Variants in TDRD9 observed in about 807,000 individuals in gnomAD.
TDRD9 encodes the protein tudor domain containing 9, also known as ATP-dependent RNA helicase TDRD9.
A neutral mutation model predicts 172.6 loss-of-function variants in TDRD9; 124 were observed. The observed-to-expected ratio is 0.72, with a 90% confidence interval of 0.62 to 0.83. TDRD9 has a LOEUF of 0.83. Ranked by LOEUF, TDRD9 falls within the 40% of genes least tolerant of loss-of-function variation. The pLI is 0.00. For missense variants in TDRD9, 1,479 were observed against 1,714.1 expected, an observed-to-expected ratio of 0.86 and a Z score of 2.42; for synonymous variants, 619 against 617.1, an observed-to-expected ratio of 1.00 and a Z score of -0.05.
chr14:104,030,074 A>T (rs573320607), intron 28 of TDRD9, among the ~76,000 whole-genome samples: 4 of 152,326 alleles, frequency 2.6e-5, no homozygotes, highest in African/African-American at 9.6e-5. Flanking sequence ...TATTTAATTT[A>T]TATAAAAACA....
At chr14:103,937,869 A>ATTTTTTTTTTTTTTT (rs2030877082) in intron 1 of TDRD9, among the ~76,000 whole-genome samples, 1 of 130,756 alleles carries the variant, frequency 7.6e-6, no homozygotes, top group African/African-American at 2.8e-5. Flanking sequence ...TTTTTTTTTA[A>ATTTTTTTTTTTTTTT]TTTTCTTTTT....
At chr14:104,004,792 T>C (rs1041747642) in intron 14 of TDRD9, among the ~76,000 whole-genome samples, 3 of 152,236 alleles carry the variant, frequency 2.0e-5, no homozygotes, top group Non-Finnish European at 4.4e-5. Flanking sequence ...CACATCAGGC[T>C]ACTGTCTAGG....
At chr14:103,978,781 GT>G (rs202132035) in intron 7 of TDRD9, among the ~76,000 whole-genome samples, 17 of 151,876 alleles carry the variant, frequency 1.1e-4, no homozygotes, top group South Asian at 4.2e-4. Context: ...TCTGTTTAAT[GT>G]TTTTTTTAAT....
At chr14:103,971,266 A>G (rs903788330) in intron 6 of TDRD9, among the ~76,000 whole-genome samples, 1 of 151,746 alleles carries the variant, frequency 6.6e-6, no homozygotes, top group Non-Finnish European at 1.5e-5. Flanking sequence ...TACAGGTGTG[A>G]GCCACCGCGC....
intron 9 of TDRD9, among the ~76,000 whole-genome samples, chr14:103,991,657 C>T (rs747779103): frequency 5.3e-5 from 8 of 152,110 alleles, no homozygotes; most frequent in African/African-American, 1.4e-4. Flanking sequence ...GTGATCTGCC[C>T]GCTGTGGCCT....
chr14:103,975,333 A>G, intron 6 of TDRD9, 56 bp from the exon 7 acceptor site: 1 of 1,543,900 alleles, frequency 6.5e-7, no homozygotes. Context: ...TTTTAGAAGT[A>G]TTTAATTTGT....
intron 22 of TDRD9, among the ~76,000 whole-genome samples, chr14:104,016,473 C>T (rs2034795511): frequency 6.6e-6 from 1 of 152,264 alleles, no homozygotes; most frequent in Admixed American, 6.5e-5. Context: ...GTGGCTTAAG[C>T]CAGTGACCCC....
intron 1 of TDRD9, among the ~76,000 whole-genome samples, chr14:103,954,638 AT>A (rs201392464): frequency 1.3e-5 from 2 of 151,984 alleles, no homozygotes; most frequent in African/African-American, 4.8e-5. Context: ...TATTTGATTT[AT>A]TTTTTTTGAG....
intron 13 of TDRD9, among the ~76,000 whole-genome samples, chr14:104,002,249 G>A (rs1181274850): frequency 6.6e-6 from 1 of 151,242 alleles, no homozygotes; most frequent in Non-Finnish European, 1.5e-5. Context: ...GAGCCTGGGA[G>A]GTCAATGCAG....
intron 29 of TDRD9, 85 bp downstream of exon 29, chr14:104,031,348 G>T (rs1233902729): frequency 3.2e-6 from 4 of 1,262,242 alleles, no homozygotes; most frequent in Non-Finnish European, 4.3e-6. Context: ...AGTAGTCATG[G>T]TGGTTTTTTC....
chr14:104,014,755 A>G lies in TDRD9; in HGVS notation c.2137A>G (p.Arg713Gly), dbSNP rs1251392209. 2 of 1,610,956 alleles carry G rather than the reference A, an allele frequency of 1.2e-6. No homozygotes were observed. Among genetic ancestry groups the G allele is most frequent in the South Asian group, 1.1e-5 (1 of 90,980 alleles). The change falls in exon 21 of 36, where the codon AGA (arginine) becomes GGA (glycine). Residue 713 changes from arginine to glycine, a missense_variant. Physicochemically the swap from Arg to Gly is moderately radical, Grantham distance 125 (BLOSUM62 -2). Transcript: ENST00000409874. ...VAELYEELKTRISQFNMHVDS... is the reference protein window; with the variant it reads ...VAELYEELKTGISQFNMHVDS... ...TGAATTATATGAAGAATTGAAGACT[A>G]GAATCTCACAGTTCAACATGCATGT...
At chr14:104,002,373 T>C (rs1281180468) in intron 13 of TDRD9, among the ~76,000 whole-genome samples, 1 of 151,736 alleles carries the variant, frequency 6.6e-6, no homozygotes, top group Admixed American at 6.6e-5. Context: ...TTAACAGAGT[T>C]TTAAAGAACA....
Position 104,026,129 on chromosome 14 carries a change from C to T in TDRD9, c.3014C>T (p.Pro1005Leu). The stretch of plus-strand genomic sequence containing the variant: ...ATTCCCTGTCAATTTCTTGAACTTC[C>T]TTTCCAGGTAAGGTAGAGAAGACTC... ...MEIPCQFLEL[P>L]FQALEFKICK... The change falls in exon 27 of 36, where the codon CCT becomes CTT. Residue 1005 changes from proline (P) to leucine (L), a missense_variant. Physicochemically the swap from Pro to Leu is moderately conservative, Grantham distance 98. Transcript: ENST00000409874. 5 of 1,601,358 alleles carry T rather than the reference C, an allele frequency of 3.1e-6. No homozygotes were observed. Among genetic ancestry groups the T allele is most frequent in the Non-Finnish European group, 4.3e-6 (5 of 1,168,498 alleles).
intron 7 of TDRD9, among the ~76,000 whole-genome samples, chr14:103,978,675 A>T (rs1300076698): frequency 6.6e-6 from 1 of 152,148 alleles, no homozygotes; most frequent in Admixed American, 6.6e-5. Context: ...AACTGAGGTT[A>T]TTGGTTTTGG....
chr14:103,989,233 G>T (rs1223282154), intron 8 of TDRD9, among the ~76,000 whole-genome samples: 1 of 152,134 alleles, frequency 6.6e-6, no homozygotes. Context: ...TAATCTTACT[G>T]GGGTTTTCTT....
Position 104,000,055 on chromosome 14 carries a change from C to T in TDRD9, c.1483+1327C>T, listed in dbSNP as rs114904178. On this transcript the variant is annotated intron_variant, in intron 13 of 35. Transcript: ENST00000409874. ...AAAATAGGGTCACAGAGGCCAGGTG[C>T]GGTGACTTACACCTGTAATCCCAGC... Among the ~76,000 whole-genome samples the T allele has an allele frequency of 2.2e-3, 328 of 152,202 alleles. 3 individuals carry two copies. Among genetic ancestry groups the T allele is most frequent in the African/African-American group, 7.4e-3 (307 of 41,512 alleles).
At chr14:104,028,730 G>T (rs2035196692) in intron 28 of TDRD9, among the ~76,000 whole-genome samples, 1 of 152,094 alleles carries the variant, frequency 6.6e-6, no homozygotes, top group African/African-American at 2.4e-5. Context: ...GCTTTTTGAA[G>T]TCTTGGCCAT....
At chr14:103,941,409 G>T in intron 1 of TDRD9, 1 of 1,534,474 alleles carries the variant, frequency 6.5e-7, no homozygotes, top group South Asian at 1.2e-5. Context: ...GCTGAGAATA[G>T]TTCCAGTTTG....
intron 6 of TDRD9, among the ~76,000 whole-genome samples, chr14:103,972,433 A>C (rs1351668027): frequency 6.6e-6 from 1 of 152,260 alleles, no homozygotes; most frequent in Non-Finnish European, 1.5e-5. Context: ...ACGTAAGTAG[A>C]GTTAACTGAA....
Sources: allele counts gnomAD v4.1 joint callset (sites outside exome capture counted in the v4.1 genomes callset), GRCh38; gene constraint gnomAD v4.1.1; transcripts MANE v1.5; gene names NCBI Gene and HGNC (gene_info 2026-07-23, HGNC 2026-07-21).